The following PCDHA13 variants were observed in gnomAD, a reference collection of about 807,000 sequenced individuals.
PCDHA13 encodes protocadherin alpha-13.
PCDHA13 carries 54 observed loss-of-function variants against 64.8 expected under a neutral mutation model. The ratio of observed to expected loss-of-function variants is 0.83; its 90% CI spans 0.67 to 1.04. PCDHA13 has a LOEUF of 1.04. Ranked by LOEUF, PCDHA13 falls within the 50% of genes least tolerant of loss-of-function variation. PCDHA13 has a pLI of 0.00. For missense variants in PCDHA13, 1,248 were observed against 1,254.3 expected (o/e 0.99, Z 0.08); for synonymous variants, 587 against 564.4 (o/e 1.04, Z -0.57).
At chr5:141,006,382 T>A (rs2098271166) in intron 3 of PCDHA13, among the ~76,000 whole-genome samples, 1 of 151,910 alleles carries the variant, frequency 6.6e-6, no homozygotes, top group African/African-American at 2.4e-5. Context: ...CGGCTAAGTT[T>A]TTTCTATTTT....
intron 1 of PCDHA13, among the ~76,000 whole-genome samples, chr5:140,941,916 A>G (rs191775899): frequency 2.8e-3 from 421 of 152,316 alleles, no homozygotes; most frequent in Middle Eastern, 6.8e-3. Flanking sequence ...GCTTTTATGT[A>G]TATCTTAAAA....
At chr5:140,966,659 G>C in intron 1 of PCDHA13, 5 of 1,217,658 alleles carry the variant, frequency 4.1e-6, no homozygotes, top group Non-Finnish European at 5.3e-6. Context: ...AGCGGTGGGG[G>C]AGCAGGCGCA....
At chr5:140,988,519 T>C (rs187868159) in intron 3 of PCDHA13, among the ~76,000 whole-genome samples, 69 of 152,324 alleles carry the variant, frequency 4.5e-4, no homozygotes, top group African/African-American at 1.5e-3. Context: ...TACTTAAGTC[T>C]CTGCTGGCTC....
chr5:140,933,032 G>A (rs1425582468), intron 1 of PCDHA13, among the ~76,000 whole-genome samples: 1 of 152,016 alleles, frequency 6.6e-6, no homozygotes, highest in Non-Finnish European at 1.5e-5. Flanking sequence ...AGAACTTCAA[G>A]TGAATATGGA....
Position 140,883,877 on chromosome 5 carries a change from G to A in PCDHA13, c.1609G>A (p.Ala537Thr). 2 of 1,613,254 alleles carry A rather than the reference G, an allele frequency of 1.2e-6. No individual in the cohort carries two copies. The highest frequency in any genetic ancestry group is 1.7e-6 in the Non-Finnish European group (2 of 1,179,872). Residue 537 changes from alanine to threonine, a missense_variant, in exon 1 of 4, where the codon GCG (alanine) becomes ACG (threonine). Physicochemically the swap from Ala to Thr is moderately conservative, Grantham distance 58. Coordinates refer to ENST00000289272, the MANE Select transcript of PCDHA13 (RefSeq NM_018904.3). Reference protein sequence around the residue: ...ELELLQFQVSARDSGVPPLGS... With the variant: ...ELELLQFQVSTRDSGVPPLGS... ...GGAGCTGTTGCAGTTCCAGGTGAGC[G>A]CGCGCGACTCTGGCGTGCCGCCTCT...
At chr5:140,944,543 G>C (rs2093667961) in intron 1 of PCDHA13, among the ~76,000 whole-genome samples, 1 of 152,142 alleles carries the variant, frequency 6.6e-6, no homozygotes, top group South Asian at 2.1e-4. Context: ...AGTATTTAAA[G>C]ATCATAGTTT....
At chr5:140,958,301 TA>T (rs2095417556) in intron 1 of PCDHA13, among the ~76,000 whole-genome samples, 1 of 152,248 alleles carries the variant, frequency 6.6e-6, no homozygotes, top group African/African-American at 2.4e-5. Flanking sequence ...TGAACTTAAT[TA>T]AAATAAATTA....
chr5:141,000,381 CTCTCTCTCTCTCTCTATATA>C (rs2097908619), intron 3 of PCDHA13, among the ~76,000 whole-genome samples: 2 of 61,370 alleles, frequency 3.3e-5, no homozygotes, highest in African/African-American at 7.4e-5. Context: ...CTCTCTCTCT[CTCTCTCTCTCTCTCTATATA>C]TATATATATA....
At position 140,928,790 on chromosome 5, in the gene PCDHA13, G is replaced by T. The variant is rs370207805; in HGVS notation, c.2394+44128G>T. The T allele has an allele frequency of 9.3e-6, 15 of 1,614,058 alleles. No homozygotes were observed. Among genetic ancestry groups the T allele is most frequent in the Non-Finnish European group, 1.2e-5 (14 of 1,180,044 alleles). On this transcript the variant is annotated intron_variant, in intron 1 of 3. Coordinates refer to ENST00000289272, the MANE Select transcript of PCDHA13 (RefSeq NM_018904.3). The stretch of plus-strand genomic sequence containing the variant: ...CTTCCCACTGATGCAGTTAAGCAGA[G>T]GGTGGTGGTAGTGGTTCGGGACCAT...
At chr5:140,981,630 A>G (rs1299640748) in intron 2 of PCDHA13, among the ~76,000 whole-genome samples, 1 of 152,110 alleles carries the variant, frequency 6.6e-6, no homozygotes, top group East Asian at 1.9e-4. Flanking sequence ...GTTTTCTTGG[A>G]CATTTTCTCT....
intron 1 of PCDHA13, among the ~76,000 whole-genome samples, chr5:140,888,848 CAG>C (rs1554183676): frequency 6.6e-6 from 1 of 151,980 alleles, no homozygotes; most frequent in African/African-American, 2.4e-5. Context: ...AGCCTGGTGA[CAG>C]AGTGAGACCA....
Position 140,995,490 on chromosome 5 carries a change from A to C in PCDHA13, c.2542+12927A>C, listed in dbSNP as rs181247682. Among the ~76,000 whole-genome samples the C allele has an allele frequency of 2.7e-3, 416 of 152,304 alleles. 1 individual carries two copies. The highest frequency in any genetic ancestry group is 4.2e-3 in the Non-Finnish European group (283 of 68,028). ...ATTTTTCATTTAATATTTTCAGACT[A>C]AGGTTGACTGTGGGTAACTGAAGCC... is the stretch of plus-strand genomic sequence containing the variant. On this transcript the variant is annotated intron_variant, in intron 3 of 3. Transcript: ENST00000289272.
In PCDHA13 at chr5:140,882,675, G is replaced by C; in HGVS notation, c.407G>C (p.Ser136Thr). 1 of 1,614,218 alleles carries C rather than the reference G, an allele frequency of 6.2e-7. No individual in the cohort carries two copies. Among genetic ancestry groups the C allele is most frequent in the East Asian group, 2.2e-5 (1 of 44,886 alleles). The change falls in exon 1 of 4, where the codon AGC becomes ACC. Residue 136 changes from serine (S) to threonine (T), a missense_variant. Transcript: ENST00000289272. ...GACAACCCGCCCATATTCCCTGAAAGCAAGAAACGAATAATCATTGCAGAA... is the reference window on the plus strand; with the variant it reads ...GACAACCCGCCCATATTCCCTGAAACCAAGAAACGAATAATCATTGCAGAA... ...INDNPPIFPE[S>T]KKRIIIAESR...
chr5:140,917,806 A>G (rs921651411), intron 1 of PCDHA13, among the ~76,000 whole-genome samples: 45 of 151,888 alleles, frequency 3.0e-4, no homozygotes, highest in Admixed American at 2.9e-3. Context: ...GCCTTGCAGT[A>G]TAGTTGAAGT....
rs149739125 is a variant in PCDHA13, at chr5:140,954,248, C to T, written c.2395-24701C>T. 1.2e-3 allele frequency among the ~76,000 whole-genome samples: 179 copies of T among 152,316 alleles called. 1 individual carries two copies. The highest frequency in any genetic ancestry group is 4.0e-3 in the African/African-American group (166 of 41,572). ...TGAATAGTGCTGCAATGAACATACACATGCAGGTATCTTTATAATAGGATG... is the reference window on the plus strand; with the variant it reads ...TGAATAGTGCTGCAATGAACATACATATGCAGGTATCTTTATAATAGGATG... On this transcript the variant is annotated intron_variant, in intron 1 of 3. Coordinates refer to ENST00000289272, the MANE Select transcript of PCDHA13 (RefSeq NM_018904.3).
At chr5:140,957,919 A>G (rs1477103013) in intron 1 of PCDHA13, among the ~76,000 whole-genome samples, 1 of 152,158 alleles carries the variant, frequency 6.6e-6, no homozygotes, top group Non-Finnish European at 1.5e-5. Flanking sequence ...TTATCTATGT[A>G]TCAAGCTAAA....
chr5:140,987,391 G>A (rs1277678841), intron 3 of PCDHA13, among the ~76,000 whole-genome samples: 1 of 152,140 alleles, frequency 6.6e-6, no homozygotes, highest in Non-Finnish European at 1.5e-5. Flanking sequence ...ATGCATGCAA[G>A]GAAGCCATCT....
intron 2 of PCDHA13, among the ~76,000 whole-genome samples, chr5:140,979,595 A>G (rs1261298748): frequency 1.3e-5 from 2 of 152,212 alleles, no homozygotes; most frequent in African/African-American, 4.8e-5. Context: ...GCTTACTTTA[A>G]ATTAACCTAG....
chr5:140,895,253 C>CT (rs1411327383), intron 1 of PCDHA13, among the ~76,000 whole-genome samples: 1 of 151,966 alleles, frequency 6.6e-6, no homozygotes. Context: ...TCAAAGCTTT[C>CT]TTTTTTTTCT....
Sources: allele counts gnomAD v4.1 joint callset (sites outside exome capture counted in the v4.1 genomes callset), GRCh38; gene constraint gnomAD v4.1.1; transcripts MANE v1.5; gene names NCBI Gene and HGNC (gene_info 2026-07-23, HGNC 2026-07-21).